Variants in NFIA observed in about 807,000 individuals in gnomAD.
NFIA encodes the protein nuclear factor I A.
NFIA carries 8 observed loss-of-function variants against 62.8 expected under a neutral mutation model. The observed-to-expected ratio is 0.13, with a 90% confidence interval of 0.07 to 0.23. The LOEUF (loss-of-function observed/expected upper bound fraction) is 0.23. Among genes scored for constraint, NFIA ranks in the 10% least tolerant of loss-of-function variants. NFIA has a pLI of 1.00. For synonymous variants in NFIA, 235 were observed against 238.1 expected (o/e 0.99, Z 0.12); for missense variants, 410 against 642.1 (o/e 0.64, Z 3.91).
At chr1:61,208,850 T>G (rs1653060320) in intron 2 of NFIA, among the ~76,000 whole-genome samples, 1 of 152,144 alleles carries the variant, frequency 6.6e-6, no homozygotes, top group South Asian at 2.1e-4. Context: ...AGATGGAAGA[T>G]GTTAAAAAGG....
chr1:61,404,125 C>T lies in NFIA; in HGVS notation c.1097C>T (p.Ser366Leu). ...GCAGCAAGTCCGCATGCAACACCAT[C>T]GACTCTTCATTTCCCGACATCACCC... ...GPRASPHATP[S>L]TLHFPTSPII... Residue 366 changes from serine to leucine, a missense_variant, in exon 8 of 11, where the codon TCG (serine) becomes TTG (leucine). By Grantham distance (145) the Ser-to-Leu change is moderately radical. Transcript: ENST00000403491. The T allele has an allele frequency of 2.5e-6, 4 of 1,614,140 alleles. No homozygotes were observed. The highest frequency in any genetic ancestry group is 8.5e-7 in the Non-Finnish European group (1 of 1,180,010).
chr1:61,090,503 C>G (rs537227438), intron 2 of NFIA, among the ~76,000 whole-genome samples: 1 of 152,274 alleles, frequency 6.6e-6, no homozygotes, highest in South Asian at 2.1e-4. Flanking sequence ...GCAATCTTTT[C>G]GCTGTTCTCA....
intron 3 of NFIA, among the ~76,000 whole-genome samples, chr1:61,301,155 A>G (rs1476188647): frequency 7.1e-6 from 1 of 141,258 alleles, no homozygotes; most frequent in Non-Finnish European, 1.6e-5. Context: ...CTTCAGCAGG[A>G]GGACACCGGG....
intron 2 of NFIA, among the ~76,000 whole-genome samples, chr1:61,119,839 T>C (rs1037575716): frequency 7.9e-5 from 12 of 152,212 alleles, no homozygotes; most frequent in African/African-American, 2.7e-4. Context: ...TGAGTAGATA[T>C]TTGTATTTAA....
intron 2 of NFIA, among the ~76,000 whole-genome samples, chr1:61,147,409 C>G (rs1395814117): frequency 1.3e-5 from 2 of 152,190 alleles, no homozygotes; most frequent in Non-Finnish European, 2.9e-5. Flanking sequence ...CCTCGGCCTC[C>G]CGAAGTGCTA....
chr1:61,364,835 G>GC (rs1016119553), intron 6 of NFIA, among the ~76,000 whole-genome samples: 1 of 152,094 alleles, frequency 6.6e-6, no homozygotes, highest in Non-Finnish European at 1.5e-5. Context: ...AGTGTAAGGA[G>GC]CACCCATATG....
intron 7 of NFIA, among the ~76,000 whole-genome samples, chr1:61,392,357 A>G (rs1354020521): frequency 2.6e-5 from 4 of 152,204 alleles, no homozygotes; most frequent in African/African-American, 4.8e-5. Context: ...CTACAACTAA[A>G]CAAAAGTCAG....
At chr1:61,343,385 T>C (rs578250009) in intron 4 of NFIA, among the ~76,000 whole-genome samples, 1 of 152,346 alleles carries the variant, frequency 6.6e-6, no homozygotes, top group East Asian at 1.9e-4. Flanking sequence ...AATTCCTCTC[T>C]TCACCTCCCT....
At chr1:61,416,795 G>A (rs936818941) in intron 9 of NFIA, among the ~76,000 whole-genome samples, 2 of 152,096 alleles carry the variant, frequency 1.3e-5, no homozygotes, top group Non-Finnish European at 2.9e-5. Context: ...ACGGAGCAAA[G>A]GTTCAGATCC....
chr1:61,321,730 A>T (rs1410149817), intron 3 of NFIA, among the ~76,000 whole-genome samples: 1 of 152,132 alleles, frequency 6.6e-6, no homozygotes, highest in Non-Finnish European at 1.5e-5. Flanking sequence ...GGTCCCTTCC[A>T]TATCCAGTTC....
chr1:61,169,121 C>T (rs1649775037), intron 2 of NFIA, among the ~76,000 whole-genome samples: 1 of 151,982 alleles, frequency 6.6e-6, no homozygotes, highest in South Asian at 2.1e-4. Flanking sequence ...TCAATTCCTC[C>T]CTAAAGGAAA....
At chr1:61,106,779 T>G (rs937467182) in intron 2 of NFIA, among the ~76,000 whole-genome samples, 9 of 151,636 alleles carry the variant, frequency 5.9e-5, no homozygotes, top group African/African-American at 2.2e-4. Flanking sequence ...ACCTGTGTGT[T>G]CTTTTCCTCT....
intron 2 of NFIA, among the ~76,000 whole-genome samples, chr1:61,220,590 T>C (rs986854352): frequency 1.3e-5 from 2 of 152,224 alleles, no homozygotes; most frequent in Non-Finnish European, 2.9e-5. Flanking sequence ...ATCCATTTAA[T>C]TATAATAGTG....
chr1:61,090,498 CTT>C (rs1467185196), intron 2 of NFIA, among the ~76,000 whole-genome samples: 2 of 152,152 alleles, frequency 1.3e-5, no homozygotes, highest in African/African-American at 4.8e-5. Context: ...GAAATGCAAT[CTT>C]TTCGCTGTTC....
intron 3 of NFIA, among the ~76,000 whole-genome samples, chr1:61,293,026 T>C (rs1000038140): frequency 6.6e-6 from 1 of 152,184 alleles, no homozygotes; most frequent in African/African-American, 2.4e-5. Context: ...TACAGCTGGC[T>C]TTGGTGAAGT....
chr1:61,339,061 T>C (rs1239877007), intron 4 of NFIA, among the ~76,000 whole-genome samples: 1 of 152,184 alleles, frequency 6.6e-6, no homozygotes, highest in Non-Finnish European at 1.5e-5. Flanking sequence ...TTGTTTGCCA[T>C]TACACAATTC....
At chr1:61,450,326 G>A (rs1668003250) in intron 10 of NFIA, among the ~76,000 whole-genome samples, 1 of 152,178 alleles carries the variant, frequency 6.6e-6, no homozygotes, top group Non-Finnish European at 1.5e-5. Context: ...ATATTGAGAT[G>A]GGCAGAAGAG....
intron 2 of NFIA, among the ~76,000 whole-genome samples, chr1:61,093,352 C>A (rs1432942245): frequency 2.6e-5 from 4 of 151,936 alleles, no homozygotes; most frequent in African/African-American, 7.3e-5. Context: ...ACACAATATA[C>A]ACAATATACA....
upstream of NFIA, chr1:61,077,437 AT>A (rs1449789130): frequency 4.6e-6 from 2 of 434,732 alleles, no homozygotes; most frequent in Non-Finnish European, 8.1e-6. Flanking sequence ...AAGCCTTCTG[AT>A]TTGGAGTTAA....
Sources: allele counts gnomAD v4.1 joint callset (sites outside exome capture counted in the v4.1 genomes callset), GRCh38; gene constraint gnomAD v4.1.1; transcripts MANE v1.5; gene names NCBI Gene and HGNC (gene_info 2026-07-23, HGNC 2026-07-21).